SAMD5: variants seen among roughly 807,000 people sequenced by gnomAD.
SAMD5 encodes the protein sterile alpha motif domain containing 5, also known as sterile alpha motif domain-containing protein 5.
SAMD5 carries 13 observed loss-of-function variants against 11.3 expected under a neutral mutation model. The observed-to-expected ratio is 1.15, with a 90% CI of 0.75 to 1.83. SAMD5 has a LOEUF of 1.83. Among genes scored for constraint, SAMD5 ranks in the 40% most tolerant of loss-of-function variants. The pLI is 0.00. For missense variants in SAMD5, 255 were observed against 239.1 expected (o/e 1.07, Z -0.44); for synonymous variants, 129 against 111.3 (o/e 1.16, Z -1.00).
At chr6:147,615,629 A>G (rs1388928919) in intron 1 of SAMD5, among the ~76,000 whole-genome samples, 1 of 152,200 alleles carries the variant, frequency 6.6e-6, no homozygotes, top group East Asian at 1.9e-4. Flanking sequence ...CTCATTTATA[A>G]AAGCCCTCCA....
At chr6:147,515,155 C>T (rs978871424) in intron 1 of SAMD5, among the ~76,000 whole-genome samples, 1 of 148,886 alleles carries the variant, frequency 6.7e-6, no homozygotes, top group African/African-American at 2.5e-5. Context: ...CCTCAAATAC[C>T]CTCAACCTAT....
chr6:147,839,154 T>G, the SAMD5 span, among the ~76,000 whole-genome samples: 4 of 152,298 alleles, frequency 2.6e-5, no homozygotes, highest in Non-Finnish European at 5.9e-5. Flanking sequence ...TCACCTACCC[T>G]GTTGTATTCA....
At chr6:147,905,908 C>A in the SAMD5 span, among the ~76,000 whole-genome samples, 2 of 152,176 alleles carry the variant, frequency 1.3e-5, no homozygotes, top group African/African-American at 4.8e-5. Context: ...TGCAAAGCTC[C>A]AGGCTCTGAA....
At chr6:147,655,553 A>G (rs1790553297) in intron 1 of SAMD5, among the ~76,000 whole-genome samples, 1 of 152,190 alleles carries the variant, frequency 6.6e-6, no homozygotes, top group Non-Finnish European at 1.5e-5. Flanking sequence ...GACTTTATTA[A>G]TCAGAATCTG....
intron 1 of SAMD5, among the ~76,000 whole-genome samples, chr6:147,510,673 G>A (rs1788074802): frequency 6.6e-6 from 1 of 152,204 alleles, no homozygotes; most frequent in African/African-American, 2.4e-5. Flanking sequence ...TAAGGTAGAT[G>A]GGAATAAGGG....
chr6:147,616,201 T>TC (rs1562334305), intron 1 of SAMD5, among the ~76,000 whole-genome samples: 3 of 132,048 alleles, frequency 2.3e-5, no homozygotes, highest in Admixed American at 7.3e-5. Context: ...CATATATATT[T>TC]ATTCATATAT....
At chr6:147,640,484 C>A (rs1467550148) in intron 1 of SAMD5, among the ~76,000 whole-genome samples, 1 of 92,884 alleles carries the variant, frequency 1.1e-5, no homozygotes, top group South Asian at 3.8e-4. Flanking sequence ...GTGACAAGAG[C>A]AAGACTCTGT....
the SAMD5 span, among the ~76,000 whole-genome samples, chr6:147,800,055 T>G: frequency 1.2e-4 from 18 of 151,292 alleles, no homozygotes; most frequent in Non-Finnish European, 3.0e-5. Context: ...GTCTGAAGCC[T>G]TCTTCTCTCA....
intron 1 of SAMD5, among the ~76,000 whole-genome samples, chr6:147,643,784 GGAAGGAAGGAA>G (rs1790350914): frequency 7.4e-6 from 1 of 135,508 alleles, no homozygotes; most frequent in African/African-American, 2.8e-5. Flanking sequence ...AAGGAAGGAA[GGAAGGAAGGAA>G]AGAGAGAGAG....
chr6:147,525,757 G>A (rs1788328194), intron 1 of SAMD5, among the ~76,000 whole-genome samples: 1 of 152,090 alleles, frequency 6.6e-6, no homozygotes, highest in Non-Finnish European at 1.5e-5. Flanking sequence ...GCATTAGGGA[G>A]GCACTGGTTA....
chr6:147,679,737 A>G (rs185484146), intron 1 of SAMD5, among the ~76,000 whole-genome samples: 26 of 151,316 alleles, frequency 1.7e-4, no homozygotes, highest in African/African-American at 6.1e-4. Flanking sequence ...CCCAATATAT[A>G]CTGTCCTATA....
At chr6:147,806,954 G>A in the SAMD5 span, among the ~76,000 whole-genome samples, 1 of 152,152 alleles carries the variant, frequency 6.6e-6, no homozygotes, top group Admixed American at 6.6e-5. Context: ...CAGTGAGAAG[G>A]TGGCCATCTG....
At chr6:147,662,911 A>G (rs1237582449) in intron 1 of SAMD5, among the ~76,000 whole-genome samples, 3 of 152,262 alleles carry the variant, frequency 2.0e-5, no homozygotes, top group Non-Finnish European at 4.4e-5. Context: ...ATATTATAAT[A>G]GACAAATGTA....
At position 147,509,339 on chromosome 6, in the gene SAMD5, G is replaced by A. The variant is rs757088198; in HGVS notation, c.411G>A (p.Lys137=). ...AGCTGAAGATCATGATCAGGGATAA[G>A]CTCGTCCGTGACGGCATCCACCTGA... ...KLKLKIMIRD[K]LVRDGIHLSK... is the part of the protein sequence containing the mutation. Residue 137 remains lysine (K), a synonymous_variant, in exon 1 of 2, where the codon AAG becomes AAA. Transcript: ENST00000367474. 2 of 1,581,544 alleles carry A rather than the reference G, an allele frequency of 1.3e-6. No individual in the cohort carries two copies. The highest frequency in any genetic ancestry group is 1.7e-6 in the Non-Finnish European group (2 of 1,165,690).
downstream of SAMD5, among the ~76,000 whole-genome samples, chr6:147,742,509 C>CA (rs555141328): frequency 3.9e-4 from 59 of 152,180 alleles, 1 homozygote; most frequent in South Asian, 0.012. Context: ...CAGATGAAAA[C>CA]AAAAAATCAT....
intron 1 of SAMD5, among the ~76,000 whole-genome samples, chr6:147,714,758 C>G (rs1044713406): frequency 6.6e-6 from 1 of 152,136 alleles, no homozygotes; most frequent in Non-Finnish European, 1.5e-5. Context: ...TTCCTGGACT[C>G]TATTCTTGGA....
intron 1 of SAMD5, among the ~76,000 whole-genome samples, chr6:147,553,044 T>C (rs1371370673): frequency 6.6e-6 from 1 of 152,186 alleles, no homozygotes; most frequent in African/African-American, 2.4e-5. Context: ...GATATATAAT[T>C]CCATGTCTTT....
chr6:147,758,009 T>C, the SAMD5 span, among the ~76,000 whole-genome samples: 2 of 152,194 alleles, frequency 1.3e-5, no homozygotes, highest in African/African-American at 4.8e-5. Flanking sequence ...TATGATTTGT[T>C]GTTTAGGAAA....
chr6:147,726,539 T>TCCAGGC (rs1240447427), intron 1 of SAMD5, among the ~76,000 whole-genome samples: 7 of 143,376 alleles, frequency 4.9e-5, no homozygotes, highest in Admixed American at 3.5e-4. Flanking sequence ...CAGGCCCAGG[T>TCCAGGC]CCAGGCCCAG....
Sources: allele counts gnomAD v4.1 joint callset (sites outside exome capture counted in the v4.1 genomes callset), GRCh38; gene constraint gnomAD v4.1.1; transcripts MANE v1.5; gene names NCBI Gene and HGNC (gene_info 2026-07-23, HGNC 2026-07-21).